TXLNB: variants seen among roughly 807,000 people sequenced by gnomAD.
TXLNB encodes the protein taxilin beta.
TXLNB carries 37 observed loss-of-function variants against 57.4 expected under a neutral mutation model. The observed-to-expected ratio is 0.64, with a 90% CI of 0.50 to 0.85. TXLNB has a LOEUF of 0.85. TXLNB is among the 40% of genes least tolerant of loss of function. The probability of loss-of-function intolerance (pLI) is 0.00; values close to 1 mark genes in which losing one functional copy is unlikely to be tolerated. For synonymous variants in TXLNB, 302 were observed against 309.6 expected (o/e 0.98, Z 0.26); for missense variants, 848 against 825.6 (o/e 1.03, Z -0.33).
chr6:139,291,399 G>A (rs1200033861), intron 1 of TXLNB, among the ~76,000 whole-genome samples: 1 of 152,112 alleles, frequency 6.6e-6, no homozygotes, highest in Non-Finnish European at 1.5e-5. Flanking sequence ...GTTTTACTTC[G>A]GTTAGTCTAA....
intron 6 of TXLNB, among the ~76,000 whole-genome samples, chr6:139,259,133 C>T (rs1178097411): frequency 6.6e-6 from 1 of 152,108 alleles, no homozygotes; most frequent in Non-Finnish European, 1.5e-5. Flanking sequence ...ATCCCTAAAC[C>T]AAGTCATCAT....
chr6:139,262,579 C>T lies in TXLNB; in HGVS notation c.882G>A (p.Glu294=), dbSNP rs779148348. The change falls in exon 5 of 10, where the codon GAG becomes GAA. Residue 294 remains glutamate, a splice_region_variant and synonymous_variant. Coordinates refer to ENST00000358430, the MANE Select transcript of TXLNB (RefSeq NM_153235.4). ...SIIDQYELRE[E]HLDKIFKHRE... ...CTAAGTTGTTTGATGTGGTTCTCAC[C>T]TCCTCTCTGAGCTCATACTGATCGA... is the stretch of plus-strand genomic sequence containing the variant. The T allele has an allele frequency of 1.2e-6, 2 of 1,611,350 alleles. No individual in the cohort carries two copies. Among genetic ancestry groups the T allele is most frequent in the South Asian group, 1.1e-5 (1 of 90,576 alleles).
chr6:139,306,906 G>T, the TXLNB span, among the ~76,000 whole-genome samples: 1 of 152,112 alleles, frequency 6.6e-6, no homozygotes, highest in African/African-American at 2.4e-5. Flanking sequence ...GCTTTATGTT[G>T]TTGTTTCTTT....
At chr6:139,310,678 T>A in the TXLNB span, among the ~76,000 whole-genome samples, 1 of 152,174 alleles carries the variant, frequency 6.6e-6, no homozygotes, top group Non-Finnish European at 1.5e-5. Context: ...TAGACAAACA[T>A]GTCATTCTGT....
chr6:139,166,752 G>A, the TXLNB span: 32 of 1,613,552 alleles, frequency 2.0e-5, no homozygotes, highest in Admixed American at 1.7e-4. Context: ...TCCATGGACC[G>A]GCAGAACTCC....
chr6:139,164,308 G>C, the TXLNB span, among the ~76,000 whole-genome samples: 1 of 151,884 alleles, frequency 6.6e-6, no homozygotes, highest in South Asian at 2.1e-4. Context: ...AAGCCCAGTG[G>C]TTCCCAATTG....
the TXLNB span, among the ~76,000 whole-genome samples, chr6:139,233,970 G>A: frequency 2.0e-5 from 3 of 152,178 alleles, no homozygotes; most frequent in Non-Finnish European, 2.9e-5. Flanking sequence ...TATGGACAAT[G>A]AAGTCCAGGC....
At chr6:139,272,658 T>G (rs1321408204) in intron 3 of TXLNB, among the ~76,000 whole-genome samples, 2 of 152,248 alleles carry the variant, frequency 1.3e-5, no homozygotes, top group Admixed American at 1.3e-4. Flanking sequence ...AGCCTTTAAT[T>G]TTGCACCATA....
At chr6:139,249,662 G>A (rs1350851806) in intron 7 of TXLNB, among the ~76,000 whole-genome samples, 19 of 152,140 alleles carry the variant, frequency 1.2e-4, no homozygotes, top group Admixed American at 1.2e-3. Context: ...AACCCCTAGA[G>A]CCCAGAAAAT....
At chr6:139,174,013 A>G in the TXLNB span, among the ~76,000 whole-genome samples, 15 of 152,206 alleles carry the variant, frequency 9.9e-5, no homozygotes, top group South Asian at 4.1e-4. Context: ...AAGTCTCTAT[A>G]TGCTAAACAT....
chr6:139,224,120 A>G, the TXLNB span, among the ~76,000 whole-genome samples: 2 of 150,230 alleles, frequency 1.3e-5, no homozygotes, highest in African/African-American at 4.9e-5. Context: ...GCAGCCATAA[A>G]AAATGATGAG....
chr6:139,256,814 A>T (rs534074309), intron 6 of TXLNB, among the ~76,000 whole-genome samples: 1 of 152,358 alleles, frequency 6.6e-6, no homozygotes, highest in East Asian at 1.9e-4. Flanking sequence ...CTCTCAGATA[A>T]TATGATTTAG....
intron 4 of TXLNB, among the ~76,000 whole-genome samples, chr6:139,266,965 G>GAAAA (rs201223278): frequency 9.1e-6 from 1 of 110,492 alleles, no homozygotes; most frequent in African/African-American, 3.0e-5. Flanking sequence ...AGGCTAAAAG[G>GAAAA]AAAAAAAAAA....
the TXLNB span, among the ~76,000 whole-genome samples, chr6:139,193,173 C>T: frequency 6.7e-6 from 1 of 150,356 alleles, no homozygotes. Context: ...CTCAATTCCT[C>T]CTTAAGTGGT....
At chr6:139,225,622 TAAAC>T in the TXLNB span, among the ~76,000 whole-genome samples, 1 of 151,884 alleles carries the variant, frequency 6.6e-6, no homozygotes, top group Non-Finnish European at 1.5e-5. Flanking sequence ...TAATGAAAAA[TAAAC>T]AAAGACACCA....
chr6:139,232,353 A>G, the TXLNB span, among the ~76,000 whole-genome samples: 1 of 152,168 alleles, frequency 6.6e-6, no homozygotes, highest in Non-Finnish European at 1.5e-5. Context: ...TCCCTCCCTC[A>G]ACACTGGGGA....
chr6:139,261,057 A>T (rs764566014), intron 5 of TXLNB, among the ~76,000 whole-genome samples: 3 of 152,038 alleles, frequency 2.0e-5, no homozygotes, highest in Non-Finnish European at 2.9e-5. Context: ...AGCTCGCCAC[A>T]CCTTTTGACC....
At chr6:139,321,178 G>C in the TXLNB span, among the ~76,000 whole-genome samples, 1 of 152,178 alleles carries the variant, frequency 6.6e-6, no homozygotes, top group African/African-American at 2.4e-5. Flanking sequence ...GCTATTGTCT[G>C]AATGTTGGTG....
chr6:139,183,835 G>A, the TXLNB span, among the ~76,000 whole-genome samples: 2 of 148,880 alleles, frequency 1.3e-5, no homozygotes, highest in African/African-American at 2.6e-5. Flanking sequence ...TTCGGTACGT[G>A]CAAAATCACA....
Sources: gnomAD v4.1 joint callset for allele counts (sites outside exome capture counted in the v4.1 genomes callset) on GRCh38, gnomAD v4.1.1 for gene constraint, MANE v1.5 for transcripts, NCBI Gene and HGNC (gene_info 2026-07-23, HGNC 2026-07-21) for gene names.